The following SLC25A13 variants were observed in gnomAD, a reference collection of about 807,000 sequenced individuals.
The protein encoded by SLC25A13 is solute carrier family 25 member 13.
A neutral mutation model predicts 85.5 loss-of-function variants in SLC25A13; 70 were observed. The observed-to-expected ratio is 0.82, with a 90% CI of 0.68 to 1.00. The LOEUF (loss-of-function observed/expected upper bound fraction) is 1.00. Among genes scored for constraint, SLC25A13 ranks in the 50% least tolerant of loss-of-function variants. SLC25A13 has a pLI of 0.00. For missense variants in SLC25A13, 765 were observed against 819.8 expected (o/e 0.93, Z 0.82); for synonymous variants, 259 against 288.7 (o/e 0.90, Z 1.04).
chr7:96,210,107 T>C (rs1451764541), intron 4 of SLC25A13, among the ~76,000 whole-genome samples: 1 of 152,198 alleles, frequency 6.6e-6, no homozygotes, highest in Non-Finnish European at 1.5e-5. Flanking sequence ...TTTTAAAGTT[T>C]CCAGAAATTT....
At chr7:96,260,178 A>T (rs1423974523) in intron 3 of SLC25A13, among the ~76,000 whole-genome samples, 2 of 152,100 alleles carry the variant, frequency 1.3e-5, no homozygotes, top group African/African-American at 4.8e-5. Flanking sequence ...CGTTCTGCAC[A>T]TGTATCCCAG....
chr7:96,146,551 G>A lies in SLC25A13; in HGVS notation c.1452+5C>T. ...AATAAATGACTAAAAAAAAAAAAAA[G>A]TTACCTTGTAGATCCCAAAAAACCC... is the stretch of plus-strand genomic sequence containing the variant. On this transcript the variant is annotated splice_donor_5th_base_variant and intron_variant, in intron 14 of 17. Transcript: ENST00000265631. 1.9e-6 allele frequency: 3 copies of A among 1,602,186 alleles called. No individual in the cohort carries two copies. Among genetic ancestry groups the A allele is most frequent in the Admixed American group, 1.7e-5 (1 of 58,536 alleles).
At chr7:96,125,685 T>C (rs1015464392) in intron 15 of SLC25A13, among the ~76,000 whole-genome samples, 3 of 152,006 alleles carry the variant, frequency 2.0e-5, no homozygotes, top group African/African-American at 7.2e-5. Flanking sequence ...AGATTAATTC[T>C]ACCTGTATCT....
chr7:96,266,221 G>C (rs1221735347), intron 3 of SLC25A13, among the ~76,000 whole-genome samples: 1 of 152,150 alleles, frequency 6.6e-6, no homozygotes, highest in East Asian at 1.9e-4. Context: ...CTGGACTTCT[G>C]AAAAGTTCTC....
intron 4 of SLC25A13, 148 bp downstream of exon 4, chr7:96,234,654 C>T: frequency 1.6e-6 from 1 of 620,290 alleles, no homozygotes; most frequent in Non-Finnish European, 2.8e-6. Flanking sequence ...ACTGGAGCTC[C>T]AAAACATTGA....
At chr7:96,286,354 C>T (rs1301832741) in intron 2 of SLC25A13, among the ~76,000 whole-genome samples, 1 of 151,616 alleles carries the variant, frequency 6.6e-6, no homozygotes, top group Non-Finnish European at 1.5e-5. Context: ...CCTGTCCTGA[C>T]TACCACCACC....
intron 14 of SLC25A13, among the ~76,000 whole-genome samples, chr7:96,139,990 G>A (rs1335468763): frequency 6.0e-5 from 7 of 116,804 alleles, no homozygotes; most frequent in African/African-American, 1.7e-4. Flanking sequence ...ACGGAGTCTC[G>A]CTCTGTCGCC....
intron 9 of SLC25A13, among the ~76,000 whole-genome samples, chr7:96,185,839 G>A (rs941235422): frequency 1.3e-5 from 2 of 152,082 alleles, no homozygotes; most frequent in African/African-American, 4.8e-5. Context: ...GGTGAAGCTT[G>A]CAGTGAGCCG....
intron 14 of SLC25A13, among the ~76,000 whole-genome samples, chr7:96,135,361 G>A (rs543415038): frequency 7.3e-4 from 111 of 152,250 alleles, no homozygotes; most frequent in African/African-American, 2.5e-3. Flanking sequence ...AATTCCCAAG[G>A]AAAGACAGAG....
At chr7:96,217,290 G>T (rs946035686) in intron 4 of SLC25A13, among the ~76,000 whole-genome samples, 1 of 152,194 alleles carries the variant, frequency 6.6e-6, no homozygotes, top group Admixed American at 6.5e-5. Flanking sequence ...ATATATTTAA[G>T]AAAATGGTGT....
intron 3 of SLC25A13, among the ~76,000 whole-genome samples, chr7:96,243,538 C>T (rs1797071247): frequency 6.6e-6 from 1 of 152,126 alleles, no homozygotes; most frequent in Non-Finnish European, 1.5e-5. Context: ...GGCCTAAACA[C>T]TCATTTGGTT....
At chr7:96,200,798 A>G (rs886986138) in intron 5 of SLC25A13, among the ~76,000 whole-genome samples, 1 of 152,190 alleles carries the variant, frequency 6.6e-6, no homozygotes, top group Non-Finnish European at 1.5e-5. Flanking sequence ...CATTTTTACC[A>G]GGATGCTACT....
At chr7:96,219,335 A>G (rs1324349687) in intron 4 of SLC25A13, among the ~76,000 whole-genome samples, 2 of 152,172 alleles carry the variant, frequency 1.3e-5, no homozygotes, top group Non-Finnish European at 2.9e-5. Flanking sequence ...AGCCAAGCTG[A>G]GCCAAATATT....
chr7:96,247,480 T>A (rs1797242291), intron 3 of SLC25A13, among the ~76,000 whole-genome samples: 1 of 152,208 alleles, frequency 6.6e-6, no homozygotes, highest in African/African-American at 2.4e-5. Flanking sequence ...ATATTCAATG[T>A]AAGCAAAGAA....
At chr7:96,217,540 A>G (rs1410987519) in intron 4 of SLC25A13, among the ~76,000 whole-genome samples, 1 of 152,146 alleles carries the variant, frequency 6.6e-6, no homozygotes, top group Non-Finnish European at 1.5e-5. Flanking sequence ...TACACAGTGA[A>G]ATATTATTTA....
At chr7:96,268,746 T>C (rs1798125260) in intron 3 of SLC25A13, among the ~76,000 whole-genome samples, 1 of 152,152 alleles carries the variant, frequency 6.6e-6, no homozygotes, top group Non-Finnish European at 1.5e-5. Context: ...CAATCCTTAA[T>C]ATGAGGTACA....
intron 3 of SLC25A13, among the ~76,000 whole-genome samples, chr7:96,273,638 C>A (rs1005362264): frequency 4.6e-5 from 7 of 152,054 alleles, no homozygotes; most frequent in African/African-American, 1.7e-4. Flanking sequence ...ACAAAGACAG[C>A]ACAAAGATGG....
chr7:96,224,040 C>T lies in SLC25A13; in HGVS notation c.328+10762G>A, dbSNP rs553879227. On this transcript the variant is annotated intron_variant, in intron 4 of 17. Coordinates refer to ENST00000265631, the MANE Select transcript of SLC25A13 (RefSeq NM_014251.3). ...CACAATGGAAATGTTTTGCACCCCC[C>T]GCAACATTAAATAAGAAATACAGTA... Among the ~76,000 whole-genome samples the T allele has an allele frequency of 1.4e-4, 22 of 152,192 alleles. No individual in the cohort carries two copies. The South Asian group carries it at 3.7e-3, about 26-fold the overall frequency.
intron 11 of SLC25A13, among the ~76,000 whole-genome samples, chr7:96,177,197 T>A (rs1794254059): frequency 6.6e-6 from 1 of 152,218 alleles, no homozygotes; most frequent in African/African-American, 2.4e-5. Context: ...AGGAGTATCA[T>A]GCTGTGCCCA....
Sources: gnomAD v4.1 joint callset for allele counts (sites outside exome capture counted in the v4.1 genomes callset) on GRCh38, gnomAD v4.1.1 for gene constraint, MANE v1.5 for transcripts, NCBI Gene and HGNC (gene_info 2026-07-23, HGNC 2026-07-21) for gene names.